Variants in CRISPLD2 observed in about 807,000 individuals in gnomAD.
The protein encoded by CRISPLD2 is cysteine rich secretory protein LCCL domain containing 2.
CRISPLD2 carries 47 observed loss-of-function variants against 71.1 expected under a neutral mutation model. The ratio of observed to expected loss-of-function variants is 0.66; its 90% confidence interval spans 0.52 to 0.84. The LOEUF (loss-of-function observed/expected upper bound fraction) is 0.84, where lower values mean the gene tolerates loss of function less well. Among genes scored for constraint, CRISPLD2 ranks in the 40% least tolerant of loss-of-function variants. The pLI, the probability that CRISPLD2 is intolerant of heterozygous loss-of-function variation, is 0.00. For missense variants in CRISPLD2, 830 were observed against 651.1 expected, an observed-to-expected ratio of 1.27 and a Z score of -2.99; for synonymous variants, 317 against 250.1, an observed-to-expected ratio of 1.27 and a Z score of -2.52.
At chr16:84,874,067 T>A in intron 11 of CRISPLD2, 104 bp downstream of exon 11, 1 of 982,308 alleles carries the variant, frequency 1.0e-6, no homozygotes, top group Non-Finnish European at 1.6e-6. Flanking sequence ...ATCATGCGTG[T>A]GAACATTATG....
In CRISPLD2 at chr16:84,871,870, GAAA is replaced by G. The variant is rs56328159; in HGVS notation, c.915-545_915-543del. On this transcript the variant is annotated intron_variant, in intron 8 of 14. Coordinates refer to ENST00000262424, the MANE Select transcript of CRISPLD2 (RefSeq NM_031476.4). Reference sequence around the variant, plus strand: ...CCTGGCCTTGTTTTTTTTCAAATGAGAAAAAAAAAAAAAAAAAAAAAAAAAAAA... The same window carrying G: ...CCTGGCCTTGTTTTTTTTCAAATGAGAAAAAAAAAAAAAAAAAAAAAAAAA... 8.1e-3 allele frequency among the ~76,000 whole-genome samples: 811 copies of G among 99,864 alleles called. 29 individuals are homozygous for G. Among genetic ancestry groups the G allele is most frequent in the African/African-American group, 0.025 (678 of 27,390 alleles). The allele number at this position is 99,864 out of a possible 152,430, so 65.5% of individuals were successfully genotyped here. A position where few individuals can be genotyped will look rare whatever the true frequency, so the allele number is the denominator to read the frequency against.
At chr16:84,822,145 G>T (rs995233853) in intron 1 of CRISPLD2, among the ~76,000 whole-genome samples, 2 of 152,214 alleles carry the variant, frequency 1.3e-5, no homozygotes, top group Non-Finnish European at 2.9e-5. Flanking sequence ...GGGATCAACT[G>T]ACCCTGGGCT....
chr16:84,883,866 C>T (rs1169688709), intron 13 of CRISPLD2, among the ~76,000 whole-genome samples: 2 of 136,222 alleles, frequency 1.5e-5, no homozygotes, highest in African/African-American at 5.5e-5. Flanking sequence ...TTTTTTGAGA[C>T]GGAGTCTTAC....
At chr16:84,906,162 C>T (rs910565327) in intron 14 of CRISPLD2, among the ~76,000 whole-genome samples, 2 of 152,046 alleles carry the variant, frequency 1.3e-5, no homozygotes, top group Non-Finnish European at 2.9e-5. Flanking sequence ...ACAGCTCCCT[C>T]AGGAGGAAGG....
chr16:84,832,485 G>A (rs59700878), intron 1 of CRISPLD2, among the ~76,000 whole-genome samples: 1 of 152,278 alleles, frequency 6.6e-6, no homozygotes, highest in Non-Finnish European at 1.5e-5. Context: ...GGGGGCCACA[G>A]AGTCATCCCG....
Position 84,896,043 on chromosome 16 carries a change from T to C in CRISPLD2, c.1439+6680T>C, listed in dbSNP as rs1427342363. 4.0e-5 allele frequency among the ~76,000 whole-genome samples: 6 copies of C among 150,240 alleles called. No individual in the cohort carries two copies. In the East Asian group the frequency reaches 1.2e-3, roughly 29 times the overall value. ...CTGGGAGAACAAGATTGGAATCCTT[T>C]TTTTTTTTTTTTGGAGATGGAGTCT... On this transcript the variant is annotated intron_variant, in intron 14 of 14. Coordinates refer to ENST00000262424, the MANE Select transcript of CRISPLD2 (RefSeq NM_031476.4).
intron 13 of CRISPLD2, among the ~76,000 whole-genome samples, chr16:84,886,751 G>C (rs1375499947): frequency 2.6e-5 from 4 of 152,196 alleles, no homozygotes; most frequent in African/African-American, 7.2e-5. Context: ...GAAGGTCAAA[G>C]CTCTGATGAG....
chr16:84,891,391 T>A (rs1412456139), intron 14 of CRISPLD2, among the ~76,000 whole-genome samples: 1 of 152,092 alleles, frequency 6.6e-6, no homozygotes, highest in East Asian at 1.9e-4. Flanking sequence ...TCGTGCCCAT[T>A]CTTCCCGGGA....
At position 84,846,365 on chromosome 16, in the gene CRISPLD2, G is replaced by A. The variant is rs550016472; in HGVS notation, c.359+461G>A. 4.6e-5 allele frequency among the ~76,000 whole-genome samples: 7 copies of A among 152,086 alleles called. No individual in the cohort carries two copies. In the East Asian group the frequency reaches 9.7e-4, roughly 21 times the overall value. Reference sequence around the variant, plus strand: ...TCTCCTGGGTTCAAGTGATTCTCGAGCCTCAGCCTCCCAAGTAGCTGGGAC... The same window carrying A: ...TCTCCTGGGTTCAAGTGATTCTCGAACCTCAGCCTCCCAAGTAGCTGGGAC... On this transcript the variant is annotated intron_variant, in intron 3 of 14. Transcript: ENST00000262424.
At chr16:84,860,116 C>T (rs1460466760) in intron 6 of CRISPLD2, among the ~76,000 whole-genome samples, 3 of 152,028 alleles carry the variant, frequency 2.0e-5, no homozygotes, top group African/African-American at 4.8e-5. Context: ...GGAGATGAGG[C>T]ATTTCCAGTT....
In CRISPLD2 at chr16:84,868,873, C is replaced by G; in HGVS notation, c.876C>G (p.Thr292=). The G allele has an allele frequency of 1.9e-6, 3 of 1,611,478 alleles. No homozygotes were observed. Among genetic ancestry groups the G allele is most frequent in the Non-Finnish European group, 2.5e-6 (3 of 1,178,892 alleles). Reference sequence around the variant, plus strand: ...TAGCCCAAGTCGTCAGATGTGACACCAAGATGAAGGACAGGTGCAAAGGGT... The same window carrying G: ...TAGCCCAAGTCGTCAGATGTGACACGAAGATGAAGGACAGGTGCAAAGGGT... ...NYMTQVVRCD[T]KMKDRCKGST... Residue 292 remains threonine (T), a synonymous_variant, in exon 8 of 15, where the codon ACC becomes ACG. Coordinates refer to ENST00000262424, the MANE Select transcript of CRISPLD2 (RefSeq NM_031476.4).
intron 5 of CRISPLD2, among the ~76,000 whole-genome samples, chr16:84,853,728 A>G (rs61143845): frequency 6.6e-6 from 1 of 152,212 alleles, no homozygotes; most frequent in Non-Finnish European, 1.5e-5. Context: ...GGATTTCCCC[A>G]ACGCTCAGAG....
chr16:84,866,787 T>C, intron 6 of CRISPLD2, 110 bp from the exon 7 acceptor site: 1 of 1,072,144 alleles, frequency 9.3e-7, no homozygotes, highest in South Asian at 1.5e-5. Context: ...TGATTCTTTG[T>C]AAAACCAAAC....
At chr16:84,888,356 A>T (rs1256564742) in intron 13 of CRISPLD2, among the ~76,000 whole-genome samples, 1 of 152,228 alleles carries the variant, frequency 6.6e-6, no homozygotes, top group African/African-American at 2.4e-5. Flanking sequence ...CAACACAGCG[A>T]GACCTTGTCC....
At chr16:84,896,919 C>A (rs138168012) in intron 14 of CRISPLD2, among the ~76,000 whole-genome samples, 1,969 of 152,360 alleles carry the variant, frequency 0.013, 18 homozygotes, top group Non-Finnish European at 0.019. Flanking sequence ...AGGGCAGCTT[C>A]CCTGTCTGCC....
chr16:84,900,400 C>T (rs8051626), intron 14 of CRISPLD2, among the ~76,000 whole-genome samples: 32,534 of 151,982 alleles, frequency 0.21, 5,635 homozygotes, highest in East Asian at 0.48. Flanking sequence ...AAGGAAACCC[C>T]GCCCAGAAAT....
At position 84,903,702 on chromosome 16, in the gene CRISPLD2, G is replaced by A. The variant is rs370556015; in HGVS notation, c.1440-2886G>A. ...CGCGTCTGGAAGACATGCTCCAGAG[G>A]TGAGATTTGCAGAATGCCAAAGCAG... On this transcript the variant is annotated intron_variant, in intron 14 of 14. Transcript: ENST00000262424. Among the ~76,000 whole-genome samples the A allele has an allele frequency of 6.6e-5, 10 of 152,318 alleles. No individual in the cohort carries two copies. In the East Asian group the frequency reaches 1.9e-3, roughly 29 times the overall value.
At chr16:84,906,480 C>G (rs2071803349) in intron 14 of CRISPLD2, 108 bp from the exon 15 acceptor site, 11 of 1,123,404 alleles carry the variant, frequency 9.8e-6, no homozygotes, top group African/African-American at 1.6e-5. Context: ...ATGGCTCTTC[C>G]ACTACGGGAG....
In CRISPLD2 at chr16:84,908,061, A is replaced by C. The variant is rs2071820635; in HGVS notation, c.*1419A>C. 1 of 152,276 alleles carries C rather than the reference A, an allele frequency of 6.6e-6. No individual in the cohort carries two copies. Among genetic ancestry groups the C allele is most frequent in the Admixed American group, 6.5e-5 (1 of 15,288 alleles). The allele number at this position is 152,276 out of a possible 1,614,324, so 9.4% of individuals were successfully genotyped here. Reference sequence around the variant, plus strand: ...TGATTCAAAATATTTCTTAGGTGAAAGAACTAGCAGAAAGTCAAAAACTAA... The same window carrying C: ...TGATTCAAAATATTTCTTAGGTGAACGAACTAGCAGAAAGTCAAAAACTAA... On this transcript the variant is annotated 3_prime_UTR_variant, in exon 15 of 15. Coordinates refer to ENST00000262424, the MANE Select transcript of CRISPLD2 (RefSeq NM_031476.4).
Sources: allele counts gnomAD v4.1 joint callset (sites outside exome capture counted in the v4.1 genomes callset), GRCh38; gene constraint gnomAD v4.1.1; transcripts MANE v1.5; gene names NCBI Gene and HGNC (gene_info 2026-07-23, HGNC 2026-07-21).